The following CDK19 variants were observed in gnomAD, a reference collection of about 807,000 sequenced individuals.
CDK19 encodes cyclin-dependent kinase 19.
A neutral mutation model predicts 68.3 loss-of-function variants in CDK19; 20 were observed. That is an observed-to-expected ratio of 0.29 (90% CI 0.21 to 0.43). The LOEUF (loss-of-function observed/expected upper bound fraction) is 0.43, where lower values mean the gene tolerates loss of function less well. Among genes scored for constraint, CDK19 ranks in the 20% least tolerant of loss-of-function variants. The probability of loss-of-function intolerance (pLI) is 1.00; values close to 1 mark genes in which losing one functional copy is unlikely to be tolerated. For missense variants in CDK19, 339 were observed against 623.5 expected, an observed-to-expected ratio of 0.54 and a Z score of 4.86; for synonymous variants, 221 against 222.8, an observed-to-expected ratio of 0.99 and a Z score of 0.07.
chr6:110,754,183 T>C (rs974701832), intron 1 of CDK19, among the ~76,000 whole-genome samples: 2 of 149,628 alleles, frequency 1.3e-5, no homozygotes, highest in African/African-American at 2.5e-5. Context: ...GCACAGGTCA[T>C]CACACCCAGC....
chr6:110,665,891 C>T (rs1469855229), intron 4 of CDK19, among the ~76,000 whole-genome samples: 2 of 151,930 alleles, frequency 1.3e-5, no homozygotes, highest in Non-Finnish European at 2.9e-5. Flanking sequence ...ACCACAGGAG[C>T]ACACCACGCC....
intron 4 of CDK19, among the ~76,000 whole-genome samples, chr6:110,661,831 A>T (rs889995000): frequency 6.6e-6 from 1 of 152,228 alleles, no homozygotes; most frequent in Non-Finnish European, 1.5e-5. Flanking sequence ...GGATCTCACA[A>T]AATTTTGATA....
At chr6:110,714,603 G>A (rs964316322) in intron 2 of CDK19, among the ~76,000 whole-genome samples, 1 of 151,932 alleles carries the variant, frequency 6.6e-6, no homozygotes, top group African/African-American at 2.4e-5. Context: ...ATTCTAATGG[G>A]TGTGAAGTAG....
At chr6:110,756,725 C>G (rs1034240492) in intron 1 of CDK19, among the ~76,000 whole-genome samples, 1 of 151,982 alleles carries the variant, frequency 6.6e-6, no homozygotes, top group African/African-American at 2.4e-5. Flanking sequence ...CTTGGGCAGA[C>G]AGCCAAAAGA....
intron 2 of CDK19, among the ~76,000 whole-genome samples, chr6:110,732,067 T>C (rs1776803394): frequency 7.0e-6 from 1 of 141,914 alleles, no homozygotes; most frequent in Admixed American, 7.0e-5. Flanking sequence ...AACCCTCCCA[T>C]CCCACCCACC....
At chr6:110,708,744 T>TG (rs1414244226) in intron 2 of CDK19, among the ~76,000 whole-genome samples, 1 of 152,174 alleles carries the variant, frequency 6.6e-6, no homozygotes, top group Non-Finnish European at 1.5e-5. Flanking sequence ...TTCTATCATT[T>TG]GGGTGTTTCA....
intron 2 of CDK19, among the ~76,000 whole-genome samples, chr6:110,692,828 C>T (rs1773127007): frequency 6.6e-6 from 1 of 152,092 alleles, no homozygotes; most frequent in Non-Finnish European, 1.5e-5. Flanking sequence ...AAAACCCTGT[C>T]TCTACTAAAA....
intron 1 of CDK19, among the ~76,000 whole-genome samples, chr6:110,768,972 A>T (rs966089556): frequency 2.0e-5 from 3 of 147,774 alleles, no homozygotes; most frequent in African/African-American, 2.5e-5. Context: ...GGCCAACATG[A>T]CGAAACCCCA....
intron 2 of CDK19, among the ~76,000 whole-genome samples, chr6:110,694,179 C>A (rs149484339): frequency 1.3e-4 from 20 of 151,926 alleles, no homozygotes; most frequent in African/African-American, 4.8e-4. Context: ...TGAAATGCTC[C>A]ACTTGAAAGA....
rs555702070 is a variant in CDK19, at chr6:110,701,709, T to C, written c.205-31168A>G. ...AATGCAAATTGAAGCAATGGAGACA[T>C]ATTTTTCACTGATCAGATTGGGAAA... On this transcript the variant is annotated intron_variant, in intron 2 of 12. Coordinates refer to ENST00000368911, the MANE Select transcript of CDK19 (RefSeq NM_015076.5). 3.7e-4 allele frequency among the ~76,000 whole-genome samples: 56 copies of C among 152,318 alleles called. 2 individuals carry two copies. Among genetic ancestry groups the C allele is most frequent in the Admixed American group, 5.2e-4 (8 of 15,300 alleles).
intron 1 of CDK19, among the ~76,000 whole-genome samples, chr6:110,799,118 G>C (rs1288081651): frequency 2.1e-5 from 3 of 141,782 alleles, no homozygotes; most frequent in African/African-American, 7.9e-5. Flanking sequence ...ACTCCAAACT[G>C]GGTGTTAAGA....
intron 4 of CDK19, among the ~76,000 whole-genome samples, chr6:110,654,596 T>A (rs1483004411): frequency 6.6e-6 from 1 of 152,190 alleles, no homozygotes; most frequent in Non-Finnish European, 1.5e-5. Context: ...TCATAATCCA[T>A]CCAGCTATGG....
At chr6:110,805,308 C>G (rs1782606775) in intron 1 of CDK19, among the ~76,000 whole-genome samples, 1 of 151,984 alleles carries the variant, frequency 6.6e-6, no homozygotes, top group Non-Finnish European at 1.5e-5. Flanking sequence ...CAAAGTACCA[C>G]TAATATTATA....
intron 1 of CDK19, among the ~76,000 whole-genome samples, chr6:110,793,501 C>A (rs1447584741): frequency 6.6e-6 from 1 of 152,180 alleles, no homozygotes. Context: ...TATGAAAAGT[C>A]TTTACACAGT....
chr6:110,799,845 C>T (rs968176692), intron 1 of CDK19, among the ~76,000 whole-genome samples: 1 of 152,132 alleles, frequency 6.6e-6, no homozygotes, highest in African/African-American at 2.4e-5. Context: ...TCAAGCAATC[C>T]ACCCGCCTAG....
intron 5 of CDK19, among the ~76,000 whole-genome samples, chr6:110,636,835 G>A (rs1779807425): frequency 6.6e-6 from 1 of 152,236 alleles, no homozygotes; most frequent in Non-Finnish European, 1.5e-5. Flanking sequence ...AGAGAAACTT[G>A]AGAAGGGGAA....
chr6:110,815,151 A>G lies in CDK19; in HGVS notation c.-15T>C, dbSNP rs1783525119. 6.4e-7 allele frequency: 1 copy of G among 1,572,904 alleles called. No individual in the cohort carries two copies. The highest frequency in any genetic ancestry group is 8.6e-7 in the Non-Finnish European group (1 of 1,161,496). On this transcript the variant is annotated 5_prime_UTR_variant, in exon 1 of 13. It removes an upstream start codon present in the reference 5' UTR. Transcript: ENST00000368911. ...TCATAATCCATTGTCTGCTTCCCCC[A>G]TAGAGGCACGGGACGCGGGGGCCGC...
At chr6:110,734,887 A>T (rs1161987530) in intron 2 of CDK19, among the ~76,000 whole-genome samples, 1 of 152,186 alleles carries the variant, frequency 6.6e-6, no homozygotes, top group Admixed American at 6.6e-5. Flanking sequence ...ATACTCAAAT[A>T]TTAAATGCAA....
chr6:110,691,898 G>A (rs1049944056), intron 2 of CDK19, among the ~76,000 whole-genome samples: 8 of 150,104 alleles, frequency 5.3e-5, no homozygotes, highest in Non-Finnish European at 8.9e-5. Context: ...CACCCGCCTC[G>A]GCCTCCCAAA....
Sources: allele counts gnomAD v4.1 joint callset (sites outside exome capture counted in the v4.1 genomes callset), GRCh38; gene constraint gnomAD v4.1.1; transcripts MANE v1.5; gene names NCBI Gene and HGNC (gene_info 2026-07-23, HGNC 2026-07-21).